The following GDNF variants were observed in gnomAD, a reference collection of about 807,000 sequenced individuals.
The protein encoded by GDNF is glial cell derived neurotrophic factor.
A neutral mutation model predicts 13.7 loss-of-function variants in GDNF; 5 were observed. That is an observed-to-expected ratio of 0.36 (90% CI 0.19 to 0.77). GDNF has a LOEUF of 0.77. GDNF is among the 30% of genes least tolerant of loss of function. The pLI, the probability that GDNF is intolerant of heterozygous loss-of-function variation, is 0.51. For missense variants in GDNF, 246 were observed against 274.3 expected (o/e 0.90, Z 0.73); for synonymous variants, 122 against 112.5 (o/e 1.08, Z -0.53).
intron 2 of GDNF, among the ~76,000 whole-genome samples, chr5:37,829,495 T>A (rs1282492206): frequency 6.6e-6 from 1 of 152,218 alleles, no homozygotes; most frequent in Non-Finnish European, 1.5e-5. Flanking sequence ...TACAGCTAGA[T>A]CACAAGCAAC....
chr5:37,828,861 T>C lies in GDNF; in HGVS notation c.151+5785A>G, dbSNP rs369569114. 2.6e-4 allele frequency among the ~76,000 whole-genome samples: 39 copies of C among 152,386 alleles called. 2 individuals are homozygous for C. In the South Asian group the frequency reaches 7.7e-3, roughly 30 times the overall value. On this transcript the variant is annotated intron_variant, in intron 2 of 2. Coordinates refer to ENST00000326524, the MANE Select transcript of GDNF (RefSeq NM_000514.4). Reference sequence around the variant, plus strand: ...ATATTCACTTACTTGGGGCTAATAGTTTGGTTCAATTGTGCCTATGTCTAG... The same window carrying C: ...ATATTCACTTACTTGGGGCTAATAGCTTGGTTCAATTGTGCCTATGTCTAG...
At chr5:37,832,443 A>G (rs974395792) in intron 2 of GDNF, among the ~76,000 whole-genome samples, 5 of 152,200 alleles carry the variant, frequency 3.3e-5, no homozygotes, top group African/African-American at 1.2e-4. Context: ...TCTGGAAAGA[A>G]GTCAATTTGG....
At chr5:37,821,075 A>T (rs1750120562) in intron 2 of GDNF, among the ~76,000 whole-genome samples, 1 of 152,216 alleles carries the variant, frequency 6.6e-6, no homozygotes, top group East Asian at 1.9e-4. Flanking sequence ...TCATTCTTAG[A>T]GCCAGCCTCA....
intron 2 of GDNF, among the ~76,000 whole-genome samples, chr5:37,834,427 T>C (rs1284333304): frequency 6.6e-6 from 1 of 152,248 alleles, no homozygotes; most frequent in Non-Finnish European, 1.5e-5. Context: ...CCATCCCCTC[T>C]GTGCTGGGCA....
chr5:37,833,800 G>C (rs1400169881), intron 2 of GDNF, among the ~76,000 whole-genome samples: 1 of 152,198 alleles, frequency 6.6e-6, no homozygotes, highest in Non-Finnish European at 1.5e-5. Flanking sequence ...CTCTGCAACA[G>C]CCTCTATCAC....
intron 1 of GDNF, chr5:37,835,614 G>A (rs1051130339): frequency 3.9e-6 from 6 of 1,544,872 alleles, no homozygotes; most frequent in Non-Finnish European, 5.3e-6. Context: ...CATGTAGTAA[G>A]AGCTCAGTAA....
intron 1 of GDNF, among the ~76,000 whole-genome samples, chr5:37,836,476 A>T (rs1327304763): frequency 2.0e-5 from 3 of 152,088 alleles, no homozygotes. Flanking sequence ...GGGTGTAGGG[A>T]CTAGAAACTC....
intron 2 of GDNF, 67 bp from the exon 3 acceptor site, chr5:37,816,202 C>G (rs1206627161): frequency 1.3e-6 from 2 of 1,553,988 alleles, no homozygotes; most frequent in Admixed American, 1.7e-5. Flanking sequence ...TCTTCAAGAT[C>G]AAAGTGCCCC....
Position 37,839,623 on chromosome 5 carries a change from G to A in GDNF, c.-143C>T, listed in dbSNP as rs1311190862. 6.6e-6 allele frequency: 1 copy of A among 152,278 alleles called. No homozygotes were observed. The highest frequency in any genetic ancestry group is 1.5e-5 in the Non-Finnish European group (1 of 68,102). 9.4% of individuals were successfully genotyped at this position (152,278 alleles called of 1,614,324 possible). ...GCGCGGAGCCCCGCCCAACAGGTCA[G>A]GGGCAAGAGTTCGCAATCCTGGGGT... On this transcript the variant is annotated 5_prime_UTR_variant, in exon 1 of 3. Transcript: ENST00000326524. The surrounding 1 kb of genome is among the most constrained non-coding windows in gnomAD (Gnocchi z 5.5).
chr5:37,824,807 A>G (rs1358681872), intron 2 of GDNF, among the ~76,000 whole-genome samples: 2 of 152,178 alleles, frequency 1.3e-5, no homozygotes, highest in African/African-American at 4.8e-5. Flanking sequence ...ATTTTCCTAA[A>G]AACAATTACC....
chr5:37,835,136 G>A (rs1177245064), intron 1 of GDNF, among the ~76,000 whole-genome samples: 1 of 125,188 alleles, frequency 8.0e-6, no homozygotes, highest in Non-Finnish European at 1.6e-5. Flanking sequence ...CCACCACCAC[G>A]ATTCCTGTCC....
chr5:37,815,008 C>T lies in GDNF; in HGVS notation c.*643G>A, dbSNP rs1749857005. The T allele has an allele frequency of 6.5e-6, 1 of 153,998 alleles. No homozygotes were observed. The highest frequency in any genetic ancestry group is 6.4e-5 in the Admixed American group (1 of 15,576). The allele number at this position is 153,998 out of a possible 1,614,324, so 9.5% of individuals were successfully genotyped here. On this transcript the variant is annotated 3_prime_UTR_variant, in exon 3 of 3. Transcript: ENST00000326524. The surrounding 1 kb of genome is among the most constrained non-coding windows in gnomAD (Gnocchi z 5.0). The stretch of plus-strand genomic sequence containing the variant: ...AGCCAACTTCTTCCCACCCCACACA[C>T]CGTGATGGAAATCAATCACCAACCG...
rs1009594734 is a variant in GDNF, at chr5:37,831,000, A to C, written c.151+3646T>G. On this transcript the variant is annotated intron_variant, in intron 2 of 2. Transcript: ENST00000326524. The stretch of plus-strand genomic sequence containing the variant: ...TTAGTAATATTGTGAATGACAGTTC[A>C]GTTATATCGTGGTTTACATAGGTTT... Among the ~76,000 whole-genome samples, 13 of 152,216 alleles carry C rather than the reference A, an allele frequency of 8.5e-5. 1 individual carries two copies. Among genetic ancestry groups the C allele is most frequent in the Admixed American group, 6.5e-4 (10 of 15,286 alleles).
rs937967218 is a variant in GDNF at position 37,838,536 on chromosome 5, G to A, written c.-27+971C>T. Reference sequence around the variant, plus strand: ...CCCCGCCTATGAGCAGAAGGGTCGCGAGCTCTGGGATGGGTAAGCCCCCCG... The same window carrying A: ...CCCCGCCTATGAGCAGAAGGGTCGCAAGCTCTGGGATGGGTAAGCCCCCCG... On this transcript the variant is annotated intron_variant, in intron 1 of 2. Coordinates refer to ENST00000326524, the MANE Select transcript of GDNF (RefSeq NM_000514.4). The surrounding 1 kb of genome is among the most constrained non-coding windows in gnomAD (Gnocchi z 4.1). 6.6e-6 allele frequency among the ~76,000 whole-genome samples: 1 copy of A among 152,202 alleles called. No homozygotes were observed. The highest frequency in any genetic ancestry group is 6.5e-5 in the Admixed American group (1 of 15,286).
intron 2 of GDNF, among the ~76,000 whole-genome samples, chr5:37,830,461 C>T (rs558374797): frequency 1.3e-5 from 2 of 152,294 alleles, no homozygotes; most frequent in South Asian, 4.1e-4. Context: ...GGGCAGAATC[C>T]CAGGCAAGCC....
intron 2 of GDNF, among the ~76,000 whole-genome samples, chr5:37,822,583 C>T (rs1459045646): frequency 2.0e-5 from 3 of 152,170 alleles, no homozygotes; most frequent in Non-Finnish European, 4.4e-5. Context: ...CTATGAAAGG[C>T]TGTCTTCAGA....
chr5:37,815,358 G>A lies in GDNF; in HGVS notation c.*293C>T. The A allele has an allele frequency of 4.1e-6, 2 of 482,768 alleles. No individual in the cohort carries two copies. Among genetic ancestry groups the A allele is most frequent in the South Asian group, 4.4e-5 (2 of 45,574 alleles). The allele number at this position is 482,768 out of a possible 1,614,324, so 29.9% of individuals were successfully genotyped here. A position where few individuals can be genotyped will look rare whatever the true frequency, so the allele number is the denominator to read the frequency against. On this transcript the variant is annotated 3_prime_UTR_variant, in exon 3 of 3. Coordinates refer to ENST00000326524, the MANE Select transcript of GDNF (RefSeq NM_000514.4). The surrounding 1 kb of genome is among the most constrained non-coding windows in gnomAD (Gnocchi z 5.0). ...CTGAAATGGTGGCAATAGCCAACCA[G>A]GAACATCAGCCCTGAGCTTCTAGTG...
At chr5:37,835,930 C>A in intron 1 of GDNF, 2 of 534,092 alleles carry the variant, frequency 3.7e-6, no homozygotes, top group South Asian at 4.7e-5. Context: ...TCAATCCTCA[C>A]ACCCCTACAA....
chr5:37,818,248 T>A (rs1411471710), intron 2 of GDNF, among the ~76,000 whole-genome samples: 1 of 152,194 alleles, frequency 6.6e-6, no homozygotes. Flanking sequence ...TCATCTTGAA[T>A]TTTAGCTGCC....
Sources: allele counts gnomAD v4.1 joint callset (sites outside exome capture counted in the v4.1 genomes callset), GRCh38; gene constraint gnomAD v4.1.1; non-coding constraint Gnocchi (gnomAD v3.1); transcripts MANE v1.5; gene names NCBI Gene and HGNC (gene_info 2026-07-23, HGNC 2026-07-21).